HAUS8: variants seen among roughly 807,000 people sequenced by gnomAD.
The protein encoded by HAUS8 is HAUS augmin-like complex subunit 8.
Under a neutral mutation model 42.9 loss-of-function variants are expected in HAUS8, and 38 were observed. The ratio of observed to expected loss-of-function variants is 0.89; its 90% CI spans 0.68 to 1.16. The LOEUF (loss-of-function observed/expected upper bound fraction) is 1.16, where lower values mean the gene tolerates loss of function less well. Ranked by LOEUF, HAUS8 falls within the 50% of genes most tolerant of loss-of-function variation. The pLI is 0.00. For missense variants in HAUS8, 494 were observed against 511.6 expected, an observed-to-expected ratio of 0.97 and a Z score of 0.33; for synonymous variants, 199 against 205.8, an observed-to-expected ratio of 0.97 and a Z score of 0.28.
At chr19:17,071,273 G>A (rs185948372) in intron 2 of HAUS8, among the ~76,000 whole-genome samples, 1 of 152,290 alleles carries the variant, frequency 6.6e-6, no homozygotes, top group East Asian at 1.9e-4. Flanking sequence ...ACCCTGAGAG[G>A]AAAGGAGGTA....
At chr19:17,067,229 G>A (rs1026691712) in intron 3 of HAUS8, among the ~76,000 whole-genome samples, 2 of 148,828 alleles carry the variant, frequency 1.3e-5, no homozygotes, top group Non-Finnish European at 3.0e-5. Context: ...AAGGAAGGAA[G>A]CACCTACATG....
At chr19:17,060,183 C>A in intron 4 of HAUS8, 91 bp from the exon 5 acceptor site, 1 of 716,344 alleles carries the variant, frequency 1.4e-6, no homozygotes, top group Non-Finnish European at 2.3e-6. Flanking sequence ...TGAACAATAC[C>A]ACTTGCTTCT....
chr19:17,068,189 C>T (rs1599988796), intron 3 of HAUS8, among the ~76,000 whole-genome samples: 1 of 145,198 alleles, frequency 6.9e-6, no homozygotes, highest in East Asian at 2.1e-4. Context: ...TCTTGGCTCA[C>T]TGCAACCTCT....
At chr19:17,057,358 A>G (rs1479994886) in intron 8 of HAUS8, among the ~76,000 whole-genome samples, 1 of 152,162 alleles carries the variant, frequency 6.6e-6, no homozygotes, top group African/African-American at 2.4e-5. Context: ...CTCAAAAAAA[A>G]AAAAAATTTT....
At chr19:17,073,397 C>G (rs1460615399) in intron 1 of HAUS8, 62 bp from the exon 2 acceptor site, 2 of 1,475,840 alleles carry the variant, frequency 1.4e-6, no homozygotes, top group African/African-American at 1.4e-5. Context: ...GGGAAGCCGG[C>G]GAGGTGCCTC....
At chr19:17,058,737 G>A in intron 7 of HAUS8, 30 bp from the exon 8 acceptor site, 1 of 1,605,012 alleles carries the variant, frequency 6.2e-7, no homozygotes, top group South Asian at 1.1e-5. Context: ...AGCTCAAGCA[G>A]GTGGGGACTC....
Position 17,058,822 on chromosome 19 carries a change from G to A in HAUS8, c.475C>T (p.Leu159=), listed in dbSNP as rs1259348339. ...MESQTLLLTL[L]SVKMENNLAE... ...GAAACTGTTTTCACCTTTACGGATAGTAGCGTCAGCAGTAGTGTCTGAGAC... is the reference window on the plus strand; with the variant it reads ...GAAACTGTTTTCACCTTTACGGATAATAGCGTCAGCAGTAGTGTCTGAGAC... The change falls in exon 7 of 11, where the codon CTA becomes TTA. Residue 159 remains leucine (L), a synonymous_variant. Transcript: ENST00000253669. 1 of 1,613,284 alleles carries A rather than the reference G, an allele frequency of 6.2e-7. No individual in the cohort carries two copies. The highest frequency in any genetic ancestry group is 8.5e-7 in the Non-Finnish European group (1 of 1,179,752).
chr19:17,060,078 C>T lies in HAUS8; in HGVS notation c.244G>A (p.Val82Ile). ...GTGGACTGCAGGTCACCCTTTCCGACCCCACTGCTATCTGCTGTTAAGAAA... is the reference window on the plus strand; with the variant it reads ...GTGGACTGCAGGTCACCCTTTCCGATCCCACTGCTATCTGCTGTTAAGAAA... ...LQKSKADSSG[V>I]GKGDLQSTLL... The change falls in exon 5 of 11, where the codon GTC becomes ATC. Residue 82 changes from valine (V) to isoleucine (I), a missense_variant. Coordinates refer to ENST00000253669, the MANE Select transcript of HAUS8 (RefSeq NM_033417.2). 2 of 1,610,568 alleles carry T rather than the reference C, an allele frequency of 1.2e-6. No homozygotes were observed. Among genetic ancestry groups the T allele is most frequent in the Non-Finnish European group, 8.5e-7 (1 of 1,176,918 alleles).
rs2057274979 is a variant in HAUS8 at position 17,049,862 on chromosome 19, G to A, written c.*11C>T. 4.1e-6 allele frequency: 6 copies of A among 1,459,346 alleles called. No homozygotes were observed. The highest frequency in any genetic ancestry group is 3.1e-5 in the South Asian group (2 of 64,984). 90.4% of individuals were successfully genotyped at this position (1,459,346 alleles called of 1,614,324 possible). A position where few individuals can be genotyped will look rare whatever the true frequency, so the allele number is the denominator to read the frequency against. The stretch of plus-strand genomic sequence containing the variant: ...TATAAAGTGCTCAAGTATCCTGAAT[G>A]TAACCATGAGTCATGACAAGTCCCT... On this transcript the variant is annotated 3_prime_UTR_variant, in exon 11 of 11. Coordinates refer to ENST00000253669, the MANE Select transcript of HAUS8 (RefSeq NM_033417.2).
Position 17,069,319 on chromosome 19 carries a change from TC to T in HAUS8, c.92-234del, listed in dbSNP as rs1368163355. Among the ~76,000 whole-genome samples, 8 of 152,020 alleles carry T rather than the reference TC, an allele frequency of 5.3e-5. No individual in the cohort carries two copies. The South Asian group carries it at 1.7e-3, about 32-fold the overall frequency. On this transcript the variant is annotated intron_variant, in intron 2 of 10. Coordinates refer to ENST00000253669, the MANE Select transcript of HAUS8 (RefSeq NM_033417.2). ...CAAGCCATGTGTGGAGTCACAGAGT[TC>T]CTGAGGAAGTAAGATCAAGGAACAC...
chr19:17,058,917 G>T, intron 6 of HAUS8, 41 bp from the exon 7 acceptor site: 1 of 1,526,504 alleles, frequency 6.6e-7, no homozygotes, highest in Non-Finnish European at 9.0e-7. Context: ...CTGATGAAGT[G>T]GTATAAATCC....
chr19:17,075,452 C>G lies in HAUS8; in HGVS notation c.-30G>C. On this transcript the variant is annotated 5_prime_UTR_variant, in exon 1 of 11. Coordinates refer to ENST00000253669, the MANE Select transcript of HAUS8 (RefSeq NM_033417.2). ...CCGCCTTCCACCTCAAGGCCCGACC[C>G]GCCGGCTTTTCAAAGCCGGACCCGC... 4 of 1,613,130 alleles carry G rather than the reference C, an allele frequency of 2.5e-6. No homozygotes were observed. The highest frequency in any genetic ancestry group is 2.5e-6 in the Non-Finnish European group (3 of 1,179,752).
rs1223653391 is a variant in HAUS8 at position 17,059,552 on chromosome 19, C to G, written c.420+5G>C. The G allele has an allele frequency of 1.2e-6, 2 of 1,607,274 alleles. No homozygotes were observed. Among genetic ancestry groups the G allele is most frequent in the Non-Finnish European group, 1.7e-6 (2 of 1,174,028 alleles). ...TGTGGCTGCCCTCTTCTTTCAGACACTTACCGGGCTCTTTTTCCGAGGGGC... is the reference window on the plus strand; with the variant it reads ...TGTGGCTGCCCTCTTCTTTCAGACAGTTACCGGGCTCTTTTTCCGAGGGGC... On this transcript the variant is annotated splice_donor_5th_base_variant and intron_variant, in intron 6 of 10. Transcript: ENST00000253669.
chr19:17,057,382 G>C (rs1176042770), intron 8 of HAUS8, among the ~76,000 whole-genome samples: 1 of 151,966 alleles, frequency 6.6e-6, no homozygotes, highest in Non-Finnish European at 1.5e-5. Context: ...GTAGAGATTG[G>C]GTGTCACTAT....
At chr19:17,071,679 G>A (rs557569036) in intron 2 of HAUS8, among the ~76,000 whole-genome samples, 31 of 152,282 alleles carry the variant, frequency 2.0e-4, no homozygotes, top group African/African-American at 7.5e-4. Flanking sequence ...CAAGTTTCCT[G>A]AAAACTAGGA....
At position 17,058,428 on chromosome 19, in the gene HAUS8, G is replaced by C. The variant is rs562844716; in HGVS notation, c.645+121C>G. 20 of 975,234 alleles carry C rather than the reference G, an allele frequency of 2.1e-5. No homozygotes were observed. The East Asian group carries it at 5.1e-4, about 25-fold the overall frequency. 60.4% of individuals were successfully genotyped at this position (975,234 alleles called of 1,614,324 possible). On this transcript the variant is annotated intron_variant, in intron 8 of 10. Transcript: ENST00000253669. ...GACCAGAGCAAGTGTGGCATTAAAA[G>C]CCCAACACAGTTAGAAGCCAGTGAG...
intron 9 of HAUS8, chr19:17,053,591 G>T (rs73022346): frequency 0.011 from 1,704 of 152,834 alleles, 9 homozygotes; most frequent in Non-Finnish European, 0.018. Flanking sequence ...TTTGTGGATG[G>T]GGGGGAGTTA....
chr19:17,066,060 A>G (rs554776351), intron 3 of HAUS8, among the ~76,000 whole-genome samples: 1 of 151,564 alleles, frequency 6.6e-6, no homozygotes, highest in African/African-American at 2.4e-5. Context: ...GGCTCAAATG[A>G]TCTTCCTGCC....
At chr19:17,072,402 G>A (rs1383693543) in intron 2 of HAUS8, among the ~76,000 whole-genome samples, 3 of 147,228 alleles carry the variant, frequency 2.0e-5, no homozygotes, top group Admixed American at 6.9e-5. Flanking sequence ...GAGTACAGTG[G>A]CGCGATCTCG....
Sources: allele counts gnomAD v4.1 joint callset (sites outside exome capture counted in the v4.1 genomes callset), GRCh38; gene constraint gnomAD v4.1.1; transcripts MANE v1.5; gene names NCBI Gene and HGNC (gene_info 2026-07-23, HGNC 2026-07-21).